LRP1B: variants seen among roughly 807,000 people sequenced by gnomAD.
LRP1B encodes the protein LDL receptor related protein 1B, also known as low-density lipoprotein receptor-related protein 1B.
In LRP1B, 217 loss-of-function variants were observed where a neutral mutation model predicts 556.6. That is an observed-to-expected ratio of 0.39 (90% confidence interval 0.35 to 0.44). The LOEUF is 0.44. Ranked by LOEUF, LRP1B falls within the 20% of genes least tolerant of loss-of-function variation. The probability of loss-of-function intolerance (pLI) is 1.00; values close to 1 mark genes in which losing one functional copy is unlikely to be tolerated. For missense variants in LRP1B, 5,053 were observed against 5,620.8 expected (o/e 0.90, Z 3.23); for synonymous variants, 2,047 against 1,865.8 (o/e 1.10, Z -2.50).
At chr2:141,390,277 A>T (rs986608056) in intron 3 of LRP1B, among the ~76,000 whole-genome samples, 1 of 152,124 alleles carries the variant, frequency 6.6e-6, no homozygotes, top group Admixed American at 6.5e-5. Context: ...GGCTATATTA[A>T]TATTTTTAAT....
At chr2:141,067,432 C>T (rs2105476672) in intron 7 of LRP1B, among the ~76,000 whole-genome samples, 1 of 152,028 alleles carries the variant, frequency 6.6e-6, no homozygotes, top group South Asian at 2.1e-4. Flanking sequence ...TTTGAAAAAT[C>T]TCTCTTGTAC....
In LRP1B at chr2:141,141,381, G is replaced by T. The variant is rs533414900; in HGVS notation, c.1013+47040C>A. 2.6e-5 allele frequency among the ~76,000 whole-genome samples: 4 copies of T among 151,996 alleles called. No homozygotes were observed. In the East Asian group the frequency reaches 7.7e-4, roughly 29 times the overall value. ...AATGGTTTTATGTGTCAAATCAATT[G>T]TTTCCGTAATATATTTAAGATACTA... is the stretch of plus-strand genomic sequence containing the variant. On this transcript the variant is annotated intron_variant, in intron 7 of 90. Coordinates refer to ENST00000389484, the MANE Select transcript of LRP1B (RefSeq NM_018557.3).
chr2:141,310,417 A>G lies in LRP1B; in HGVS notation c.344-55776T>C, dbSNP rs1051152584. On this transcript the variant is annotated intron_variant, in intron 3 of 90. Coordinates refer to ENST00000389484, the MANE Select transcript of LRP1B (RefSeq NM_018557.3). Reference sequence around the variant, plus strand: ...CATACCTCGTAGGGTTATTATAATGATGAACTACAATAATCTGTTTAAAAC... The same window carrying G: ...CATACCTCGTAGGGTTATTATAATGGTGAACTACAATAATCTGTTTAAAAC... 4.6e-5 allele frequency among the ~76,000 whole-genome samples: 7 copies of G among 152,200 alleles called. 1 individual carries two copies. The South Asian group carries it at 1.2e-3, about 27-fold the overall frequency.
intron 2 of LRP1B, among the ~76,000 whole-genome samples, chr2:141,680,087 C>G (rs1691048803): frequency 6.6e-6 from 1 of 151,786 alleles, no homozygotes; most frequent in South Asian, 2.1e-4. Context: ...ATTAGTTAAA[C>G]CTGGGGAGGG....
intron 41 of LRP1B, among the ~76,000 whole-genome samples, chr2:140,697,351 A>G (rs1686467433): frequency 6.6e-6 from 1 of 152,044 alleles, no homozygotes; most frequent in Non-Finnish European, 1.5e-5. Flanking sequence ...TCAGACCTAA[A>G]CATAACACTG....
chr2:141,587,376 G>C (rs960137824), intron 2 of LRP1B, among the ~76,000 whole-genome samples: 1 of 152,144 alleles, frequency 6.6e-6, no homozygotes, highest in African/African-American at 2.4e-5. Flanking sequence ...TATAGAAATA[G>C]GTGTGCTACT....
chr2:140,720,114 T>C (rs1292233962), intron 35 of LRP1B, among the ~76,000 whole-genome samples: 2 of 152,036 alleles, frequency 1.3e-5, no homozygotes, highest in Non-Finnish European at 2.9e-5. Flanking sequence ...GTCCTGATAC[T>C]TATTTCCAAA....
intron 3 of LRP1B, among the ~76,000 whole-genome samples, chr2:141,429,696 G>C (rs1470159692): frequency 6.6e-6 from 1 of 152,054 alleles, no homozygotes; most frequent in Non-Finnish European, 1.5e-5. Flanking sequence ...TTGTGTCCAT[G>C]TGTTCTCATC....
At chr2:140,431,276 T>G (rs564924015) in intron 66 of LRP1B, among the ~76,000 whole-genome samples, 2 of 152,218 alleles carry the variant, frequency 1.3e-5, no homozygotes, top group East Asian at 1.9e-4. Flanking sequence ...GGACAATACT[T>G]TTACCACTTT....
chr2:140,440,676 C>A (rs1686384538), intron 66 of LRP1B, among the ~76,000 whole-genome samples: 1 of 151,900 alleles, frequency 6.6e-6, no homozygotes, highest in Admixed American at 6.6e-5. Flanking sequence ...TTAATTAGCA[C>A]CTGTGCACAA....
intron 7 of LRP1B, among the ~76,000 whole-genome samples, chr2:141,080,029 AC>A (rs1311359928): frequency 6.6e-6 from 1 of 152,238 alleles, no homozygotes. Context: ...AAATAGTTTG[AC>A]AAAAATCGTT....
chr2:140,898,474 G>A (rs1446948268), intron 23 of LRP1B: 1 of 213,894 alleles, frequency 4.7e-6, no homozygotes, highest in Non-Finnish European at 9.5e-6. Flanking sequence ...CTAAACTGGT[G>A]TCTCCCAGTT....
At chr2:140,256,674 G>A (rs1681708351) in intron 86 of LRP1B, among the ~76,000 whole-genome samples, 2 of 150,838 alleles carry the variant, frequency 1.3e-5, no homozygotes, top group South Asian at 4.2e-4. Context: ...TCAGCATGTT[G>A]GCTAGGATGG....
intron 18 of LRP1B, among the ~76,000 whole-genome samples, chr2:140,980,822 C>T (rs1021066322): frequency 3.3e-5 from 5 of 152,144 alleles, no homozygotes; most frequent in African/African-American, 9.7e-5. Context: ...TTTGCAATTG[C>T]AAAGATACTG....
intron 1 of LRP1B, among the ~76,000 whole-genome samples, chr2:141,924,319 G>T (rs1700278308): frequency 6.6e-6 from 1 of 151,994 alleles, no homozygotes; most frequent in Non-Finnish European, 1.5e-5. Context: ...AACTTCAGGG[G>T]AAGATCATCT....
At chr2:140,401,923 G>A (rs1398275731) in intron 66 of LRP1B, among the ~76,000 whole-genome samples, 2 of 152,182 alleles carry the variant, frequency 1.3e-5, no homozygotes, top group African/African-American at 4.8e-5. Context: ...ATTTGAGAAA[G>A]ACAGCACACT....
intron 3 of LRP1B, among the ~76,000 whole-genome samples, chr2:141,284,487 A>G (rs1685632218): frequency 6.6e-6 from 1 of 152,222 alleles, no homozygotes; most frequent in Non-Finnish European, 1.5e-5. Context: ...TGAAGGTACT[A>G]CTAGGAATGG....
intron 18 of LRP1B, among the ~76,000 whole-genome samples, chr2:140,957,313 C>T (rs1347421378): frequency 6.6e-6 from 1 of 151,180 alleles, no homozygotes; most frequent in African/African-American, 2.4e-5. Flanking sequence ...CATGACGGCC[C>T]GGAAGTGAGG....
Position 140,531,405 on chromosome 2 carries a change from A to T in LRP1B, c.7762+2616T>A, listed in dbSNP as rs141081368. 3.7e-3 allele frequency among the ~76,000 whole-genome samples: 558 copies of T among 152,212 alleles called. 7 individuals carry two copies. Among genetic ancestry groups the T allele is most frequent in the East Asian group, 0.034 (177 of 5,184 alleles). ...AGTGTCTGACTATATTTGACTTTTT[A>T]AAATCTTTTATGGGTACTAGGTAAC... On this transcript the variant is annotated intron_variant, in intron 47 of 90. Transcript: ENST00000389484.
Sources: gnomAD v4.1 joint callset for allele counts (sites outside exome capture counted in the v4.1 genomes callset) on GRCh38, gnomAD v4.1.1 for gene constraint, MANE v1.5 for transcripts, NCBI Gene and HGNC (gene_info 2026-07-23, HGNC 2026-07-21) for gene names.